DCC: variants seen among roughly 807,000 people sequenced by gnomAD.
The protein encoded by DCC is netrin receptor DCC.
Under a neutral mutation model 172.5 loss-of-function variants are expected in DCC, and 58 were observed. The ratio of observed to expected loss-of-function variants is 0.34; its 90% confidence interval spans 0.27 to 0.42. DCC has a LOEUF of 0.42. Ranked by LOEUF, DCC falls within the 10% of genes least tolerant of loss-of-function variation. DCC has a pLI of 1.00. For synonymous variants in DCC, 709 were observed against 644.5 expected, an observed-to-expected ratio of 1.10 and a Z score of -1.52; for missense variants, 1,740 against 1,791.0, an observed-to-expected ratio of 0.97 and a Z score of 0.51.
chr18:52,764,636 A>C (rs2145154266), intron 2 of DCC, among the ~76,000 whole-genome samples: 1 of 152,336 alleles, frequency 6.6e-6, no homozygotes, highest in East Asian at 1.9e-4. Flanking sequence ...AAATGGAAGC[A>C]GCTTGAGGCC....
rs1226467946 is a variant in DCC at position 53,322,177 on chromosome 18, A to G, written c.2164+20A>G. On this transcript the variant is annotated intron_variant, in intron 14 of 28. Coordinates refer to ENST00000442544, the MANE Select transcript of DCC (RefSeq NM_005215.4). ...TAGATGGTAAGACTTTTTCCCAGTT[A>G]CTATCACTCTGATTATCTTCTTGTT... The G allele has an allele frequency of 1.7e-6, 2 of 1,195,726 alleles. No homozygotes were observed. The highest frequency in any genetic ancestry group is 2.5e-6 in the Non-Finnish European group (2 of 797,478). 74.1% of individuals were successfully genotyped at this position (1,195,726 alleles called of 1,614,324 possible).
intron 5 of DCC, among the ~76,000 whole-genome samples, chr18:52,979,941 G>A (rs1293459894): frequency 1.3e-5 from 2 of 152,198 alleles, no homozygotes; most frequent in East Asian, 3.9e-4. Flanking sequence ...TTCCACAGCA[G>A]CCCAGTTACT....
chr18:53,337,191 G>A (rs994144225), intron 14 of DCC, among the ~76,000 whole-genome samples: 3 of 152,334 alleles, frequency 2.0e-5, no homozygotes, highest in African/African-American at 7.2e-5. Flanking sequence ...ATTTTTAACA[G>A]TTGAACAGTT....
chr18:52,936,693 GC>G lies in DCC; in HGVS notation c.985+11324del, dbSNP rs75421343. Among the ~76,000 whole-genome samples the G allele has an allele frequency of 1.3e-3, 188 of 148,698 alleles. 3 individuals carry two copies. The highest frequency in any genetic ancestry group is 4.4e-3 in the African/African-American group (180 of 40,948). Reference sequence around the variant, plus strand: ...TCTGTGGCTCACAAGGAGGAGAACTGCTGACAGTGGTGGAAAGCTGCCCAAG... The same window carrying G: ...TCTGTGGCTCACAAGGAGGAGAACTGTGACAGTGGTGGAAAGCTGCCCAAG... On this transcript the variant is annotated intron_variant, in intron 5 of 28. Transcript: ENST00000442544.
At chr18:53,045,921 G>C in intron 5 of DCC, among the ~76,000 whole-genome samples, 1 of 151,834 alleles carries the variant, frequency 6.6e-6, no homozygotes, top group East Asian at 1.9e-4. Flanking sequence ...GACTGGGCAG[G>C]AAACCATTCA....
At chr18:53,143,189 A>G (rs1055949029) in intron 7 of DCC, among the ~76,000 whole-genome samples, 1 of 152,046 alleles carries the variant, frequency 6.6e-6, no homozygotes, top group African/African-American at 2.4e-5. Context: ...AAGCATATCA[A>G]TCTAGCCCAC....
intron 7 of DCC, among the ~76,000 whole-genome samples, chr18:53,127,204 G>C (rs546121686): frequency 5.1e-4 from 74 of 144,728 alleles, no homozygotes; most frequent in African/African-American, 1.8e-3. Flanking sequence ...TGGGGGTCTC[G>C]TTATGTTGCC....
intron 1 of DCC, among the ~76,000 whole-genome samples, chr18:52,365,111 T>C (rs1984789315): frequency 6.6e-6 from 1 of 152,228 alleles, no homozygotes; most frequent in African/African-American, 2.4e-5. Context: ...TCATATGGTA[T>C]GTTTAAACTT....
At chr18:52,521,992 A>G (rs575811814) in intron 1 of DCC, among the ~76,000 whole-genome samples, 2 of 152,336 alleles carry the variant, frequency 1.3e-5, no homozygotes, top group East Asian at 3.9e-4. Context: ...TTATTCAGTA[A>G]ACATTGTCTG....
intron 11 of DCC, 47 bp downstream of exon 11, chr18:53,207,864 T>C (rs2055678147): frequency 6.7e-7 from 1 of 1,501,608 alleles, no homozygotes; most frequent in African/African-American, 1.4e-5. Flanking sequence ...GACATAATAT[T>C]GACAATAATG....
chr18:53,319,550 T>G (rs1252984235), intron 13 of DCC, among the ~76,000 whole-genome samples: 1 of 152,266 alleles, frequency 6.6e-6, no homozygotes, highest in East Asian at 1.9e-4. Context: ...TAGCAGACTT[T>G]GCTTTGCTTA....
chr18:52,738,242 A>G lies in DCC; in HGVS notation c.92-13812A>G, dbSNP rs181878239. Among the ~76,000 whole-genome samples the G allele has an allele frequency of 4.4e-3, 666 of 152,202 alleles. 23 individuals are homozygous for G. Among genetic ancestry groups the G allele is most frequent in the Admixed American group, 0.039 (595 of 15,274 alleles). On this transcript the variant is annotated intron_variant, in intron 1 of 28. Transcript: ENST00000442544. Reference sequence around the variant, plus strand: ...CAGGCACATCTTGCTTAATGATGGGAATCGTTCTGAGAAATGTATAGTTAG... The same window carrying G: ...CAGGCACATCTTGCTTAATGATGGGGATCGTTCTGAGAAATGTATAGTTAG...
Position 53,345,590 on chromosome 18 carries a change from T to G in DCC, c.2359+5683T>G, listed in dbSNP as rs557649677. Among the ~76,000 whole-genome samples, 249 of 152,314 alleles carry G rather than the reference T, an allele frequency of 1.6e-3. 2 individuals are homozygous for G. The highest frequency in any genetic ancestry group is 2.1e-3 in the Non-Finnish European group (145 of 68,026). ...TTTTCATTTGTACCTGAAGATGAAG[T>G]TCTTATCCAATGTTATTTCCCTTTA... On this transcript the variant is annotated intron_variant, in intron 15 of 28. Coordinates refer to ENST00000442544, the MANE Select transcript of DCC (RefSeq NM_005215.4).
At chr18:53,119,769 C>A (rs1470825761) in intron 7 of DCC, among the ~76,000 whole-genome samples, 1 of 151,746 alleles carries the variant, frequency 6.6e-6, no homozygotes, top group Non-Finnish European at 1.5e-5. Flanking sequence ...ACTAATTGAA[C>A]AGTAAGGTTG....
intron 19 of DCC, among the ~76,000 whole-genome samples, chr18:53,404,261 G>GCT (rs1555666205): frequency 4.0e-5 from 6 of 151,582 alleles, no homozygotes; most frequent in Non-Finnish European, 1.5e-5. Context: ...GATAGAAAAA[G>GCT]ATGTTTTTGG....
intron 1 of DCC, among the ~76,000 whole-genome samples, chr18:52,353,961 G>A (rs890895289): frequency 6.6e-6 from 1 of 152,124 alleles, no homozygotes; most frequent in African/African-American, 2.4e-5. Context: ...GCCTCTCAGC[G>A]AAACATGCAT....
chr18:52,798,271 A>G (rs993628338), intron 2 of DCC, among the ~76,000 whole-genome samples: 168 of 152,384 alleles, frequency 1.1e-3, no homozygotes, highest in African/African-American at 3.8e-3. Context: ...TTAATAGAGT[A>G]GAGAAAACAA....
intron 15 of DCC, among the ~76,000 whole-genome samples, chr18:53,351,678 T>C (rs1437483318): frequency 6.6e-6 from 1 of 151,040 alleles, no homozygotes; most frequent in African/African-American, 2.4e-5. Flanking sequence ...CTACCAACAT[T>C]AAATTCAAGC....
intron 1 of DCC, among the ~76,000 whole-genome samples, chr18:52,554,283 C>T (rs2073372349): frequency 6.6e-6 from 1 of 152,052 alleles, no homozygotes; most frequent in Non-Finnish European, 1.5e-5. Context: ...ATTTTCATGA[C>T]ATGCCACAGG....
Sources: allele counts gnomAD v4.1 joint callset (sites outside exome capture counted in the v4.1 genomes callset), GRCh38; gene constraint gnomAD v4.1.1; transcripts MANE v1.5; gene names NCBI Gene and HGNC (gene_info 2026-07-23, HGNC 2026-07-21).